The following C1orf21 variants were observed in gnomAD, a reference collection of about 807,000 sequenced individuals.
C1orf21 encodes uncharacterized protein C1orf21.
A neutral mutation model predicts 18.7 loss-of-function variants in C1orf21; 3 were observed. The ratio of observed to expected loss-of-function variants is 0.16; its 90% CI spans 0.07 to 0.42. The LOEUF (loss-of-function observed/expected upper bound fraction) is 0.42, where lower values mean the gene tolerates loss of function less well. Among genes scored for constraint, C1orf21 ranks in the 10% least tolerant of loss-of-function variants. C1orf21 has a pLI of 0.99. For synonymous variants in C1orf21, 41 were observed against 46.4 expected (o/e 0.88, Z 0.47); for missense variants, 104 against 143.6 (o/e 0.72, Z 1.41).
chr1:184,561,180 G>A (rs914705434), intron 3 of C1orf21, among the ~76,000 whole-genome samples: 3 of 152,154 alleles, frequency 2.0e-5, no homozygotes, highest in Admixed American at 6.5e-5. Context: ...AAGCCTGCCA[G>A]TGCCACAGCA....
At chr1:184,547,673 G>C (rs1658745294) in intron 3 of C1orf21, among the ~76,000 whole-genome samples, 1 of 151,700 alleles carries the variant, frequency 6.6e-6, no homozygotes, top group Non-Finnish European at 1.5e-5. Context: ...CTTTTATTTT[G>C]GCAGCATTTT....
chr1:184,591,021 A>G (rs1240090561), intron 4 of C1orf21, among the ~76,000 whole-genome samples: 1 of 152,182 alleles, frequency 6.6e-6, no homozygotes, highest in East Asian at 1.9e-4. Context: ...TTCATTAGGT[A>G]TTATAAGTAA....
chr1:184,405,733 C>A (rs1478533531), intron 1 of C1orf21, among the ~76,000 whole-genome samples: 2 of 152,154 alleles, frequency 1.3e-5, no homozygotes, highest in African/African-American at 4.8e-5. Flanking sequence ...TCTGTCTATT[C>A]CTCTTTAGAT....
At chr1:184,539,900 G>T (rs1658620884) in intron 3 of C1orf21, 2 of 152,332 alleles carry the variant, frequency 1.3e-5, no homozygotes, top group South Asian at 4.1e-4. Context: ...CAAAGTTCCA[G>T]ATTTCTGATC....
At chr1:184,574,920 G>C (rs986118071) in intron 3 of C1orf21, among the ~76,000 whole-genome samples, 15 of 152,186 alleles carry the variant, frequency 9.9e-5, no homozygotes, top group African/African-American at 3.4e-4. Flanking sequence ...GCTCAGCTCG[G>C]GTGTCTTAGG....
At chr1:184,397,525 G>T (rs1255153566) in intron 1 of C1orf21, among the ~76,000 whole-genome samples, 5 of 152,120 alleles carry the variant, frequency 3.3e-5, no homozygotes, top group Non-Finnish European at 5.9e-5. Flanking sequence ...GGCAGAGCTT[G>T]CAGTGAGCCA....
intron 1 of C1orf21, among the ~76,000 whole-genome samples, chr1:184,448,057 A>G (rs532965371): frequency 2.0e-5 from 3 of 152,228 alleles, no homozygotes; most frequent in South Asian, 4.1e-4. Flanking sequence ...TCTTGACAAC[A>G]TGGGAAATAC....
chr1:184,537,794 G>T (rs1658582611), intron 3 of C1orf21, among the ~76,000 whole-genome samples: 2 of 152,078 alleles, frequency 1.3e-5, no homozygotes, highest in African/African-American at 2.4e-5. Context: ...AGGATTACAG[G>T]CATGCGCTAC....
intron 1 of C1orf21, among the ~76,000 whole-genome samples, chr1:184,391,119 A>G (rs1655965477): frequency 6.6e-6 from 1 of 152,214 alleles, no homozygotes; most frequent in Admixed American, 6.5e-5. Flanking sequence ...TTTACAAGTT[A>G]TAGTTGCAAC....
chr1:184,619,601 G>C lies in C1orf21; in HGVS notation c.*45G>C. The C allele has an allele frequency of 6.4e-7, 1 of 1,567,644 alleles. No homozygotes were observed. The highest frequency in any genetic ancestry group is 8.7e-7 in the Non-Finnish European group (1 of 1,145,832). On this transcript the variant is annotated 3_prime_UTR_variant, in exon 6 of 6. Transcript: ENST00000235307. ...ACCAGGAGCTACTACTGTGTAAATA[G>C]GTTACACCCCAGTTGAAATCTTTGC... is the stretch of plus-strand genomic sequence containing the variant.
At chr1:184,551,953 A>C (rs1443597559) in intron 3 of C1orf21, among the ~76,000 whole-genome samples, 3 of 151,822 alleles carry the variant, frequency 2.0e-5, no homozygotes, top group Non-Finnish European at 4.4e-5. Context: ...TAAAAAAAAA[A>C]AAAAAGGAAC....
At chr1:184,456,484 A>G (rs988938627) in intron 1 of C1orf21, among the ~76,000 whole-genome samples, 1 of 152,236 alleles carries the variant, frequency 6.6e-6, no homozygotes, top group South Asian at 2.1e-4. Flanking sequence ...CAAAAAGGCA[A>G]TATGAAATAG....
chr1:184,574,542 A>T (rs1181007874), intron 3 of C1orf21, among the ~76,000 whole-genome samples: 1 of 152,120 alleles, frequency 6.6e-6, no homozygotes, highest in East Asian at 1.9e-4. Context: ...TTACATTTAG[A>T]CCTATATGAT....
At chr1:184,461,351 A>G (rs1657305241) in intron 1 of C1orf21, among the ~76,000 whole-genome samples, 1 of 152,228 alleles carries the variant, frequency 6.6e-6, no homozygotes, top group Non-Finnish European at 1.5e-5. Context: ...AGCATACCAA[A>G]TAAGCAGCCA....
chr1:184,495,236 A>T (rs936595934), intron 2 of C1orf21, among the ~76,000 whole-genome samples: 1 of 151,962 alleles, frequency 6.6e-6, no homozygotes, highest in Non-Finnish European at 1.5e-5. Flanking sequence ...ATAGACTCTC[A>T]TCCCTACACT....
chr1:184,432,374 A>T (rs549787791), intron 1 of C1orf21, among the ~76,000 whole-genome samples: 4 of 152,242 alleles, frequency 2.6e-5, no homozygotes, highest in Admixed American at 6.5e-5. Flanking sequence ...TTGCAGGGAC[A>T]TGGATGAAGC....
intron 2 of C1orf21, among the ~76,000 whole-genome samples, chr1:184,504,102 G>A (rs1268423925): frequency 1.3e-5 from 2 of 152,124 alleles, no homozygotes; most frequent in Non-Finnish European, 2.9e-5. Flanking sequence ...GGAATAAAAT[G>A]CTAAAAATAT....
rs368842960 is a variant in C1orf21, at chr1:184,619,535, G to A, written c.345G>A (p.Ser115=). 1.4e-5 allele frequency: 22 copies of A among 1,613,230 alleles called. No homozygotes were observed. The highest frequency in any genetic ancestry group is 6.7e-5 in the East Asian group (3 of 44,846). Residue 115 remains serine, a synonymous_variant, in exon 6 of 6, where the codon TCG becomes TCA. Coordinates refer to ENST00000235307, the MANE Select transcript of C1orf21 (RefSeq NM_030806.4). ...CCTCCAAGGGTCGGGATTACTGTTCGGAAGAAGAGGATATCACATAGCACC... is the reference window on the plus strand; with the variant it reads ...CCTCCAAGGGTCGGGATTACTGTTCAGAAGAAGAGGATATCACATAGCACC... ...EKIEKGRDYC[S]EEEDIT is the part of the protein sequence containing the mutation.
intron 3 of C1orf21, among the ~76,000 whole-genome samples, chr1:184,583,232 A>G (rs936156995): frequency 1.2e-4 from 19 of 152,252 alleles, no homozygotes; most frequent in Non-Finnish European, 2.4e-4. Context: ...CGACAACAGC[A>G]TAAGTATAGT....
Sources: gnomAD v4.1 joint callset for allele counts (sites outside exome capture counted in the v4.1 genomes callset) on GRCh38, gnomAD v4.1.1 for gene constraint, MANE v1.5 for transcripts, NCBI Gene and HGNC (gene_info 2026-07-23, HGNC 2026-07-21) for gene names.